ADGRA3: variants seen among roughly 807,000 people sequenced by gnomAD.
The protein encoded by ADGRA3 is G-protein coupled receptor 125.
Under a neutral mutation model 119.8 loss-of-function variants are expected in ADGRA3, and 56 were observed. That is an observed-to-expected ratio of 0.47 (90% CI 0.38 to 0.58). ADGRA3 has a LOEUF of 0.58. Ranked by LOEUF, ADGRA3 falls within the 20% of genes least tolerant of loss-of-function variation. The probability of loss-of-function intolerance (pLI) is 0.00; values close to 1 mark genes in which losing one functional copy is unlikely to be tolerated. For synonymous variants in ADGRA3, 607 were observed against 623.8 expected (o/e 0.97, Z 0.40); for missense variants, 1,516 against 1,649.0 (o/e 0.92, Z 1.40).
chr4:22,481,751 C>G (rs1272951529), intron 1 of ADGRA3, among the ~76,000 whole-genome samples: 1 of 152,194 alleles, frequency 6.6e-6, no homozygotes, highest in Non-Finnish European at 1.5e-5. Flanking sequence ...GTAGTGGCAA[C>G]AGACATTCTG....
intron 4 of ADGRA3, among the ~76,000 whole-genome samples, chr4:22,449,267 C>T (rs1577355590): frequency 6.7e-6 from 1 of 148,668 alleles, no homozygotes; most frequent in South Asian, 2.1e-4. Context: ...GAGACCCCGT[C>T]TCAAAAAAAA....
intron 10 of ADGRA3, among the ~76,000 whole-genome samples, chr4:22,428,843 A>C (rs1351829600): frequency 6.6e-6 from 1 of 152,230 alleles, no homozygotes; most frequent in Non-Finnish European, 1.5e-5. Flanking sequence ...TTGCTATTCA[A>C]CAAGAGTCTG....
intron 1 of ADGRA3, among the ~76,000 whole-genome samples, chr4:22,483,117 C>A (rs1466769927): frequency 6.6e-6 from 1 of 152,170 alleles, no homozygotes; most frequent in East Asian, 1.9e-4. Context: ...TTTCCTTCCC[C>A]TCTCCTTTCA....
At chr4:22,473,406 C>T (rs576252619) in intron 2 of ADGRA3, among the ~76,000 whole-genome samples, 6 of 152,144 alleles carry the variant, frequency 3.9e-5, no homozygotes, top group Non-Finnish European at 8.8e-5. Context: ...AAGTATGGTC[C>T]ATGACCTCTG....
chr4:22,446,520 T>A (rs955074346), intron 5 of ADGRA3, among the ~76,000 whole-genome samples: 1 of 152,024 alleles, frequency 6.6e-6, no homozygotes, highest in African/African-American at 2.4e-5. Context: ...CAAGATGGAG[T>A]ATGGAGTGTG....
chr4:22,496,029 T>A (rs1718813267), intron 1 of ADGRA3, among the ~76,000 whole-genome samples: 1 of 152,134 alleles, frequency 6.6e-6, no homozygotes, highest in South Asian at 2.1e-4. Context: ...CTGTTAAACA[T>A]CATTTTTTTA....
chr4:22,477,588 A>C (rs910963998), intron 1 of ADGRA3: 1 of 152,192 alleles, frequency 6.6e-6, no homozygotes, highest in African/African-American at 2.4e-5. Context: ...AGTAGCTTAT[A>C]AAACACGGCC....
chr4:22,483,550 T>A (rs993019149), intron 1 of ADGRA3, among the ~76,000 whole-genome samples: 17 of 152,170 alleles, frequency 1.1e-4, no homozygotes, highest in Non-Finnish European at 2.9e-5. Flanking sequence ...AATAAAAGTG[T>A]CCTAAGATAC....
intron 2 of ADGRA3, chr4:22,473,259 C>A (rs1168774599): frequency 2.0e-5 from 3 of 152,240 alleles, no homozygotes; most frequent in South Asian, 2.1e-4. Flanking sequence ...AATTAAACTT[C>A]TTTTCTTTAT....
intron 1 of ADGRA3, among the ~76,000 whole-genome samples, chr4:22,512,621 G>A (rs1261249839): frequency 1.3e-5 from 2 of 152,128 alleles, no homozygotes; most frequent in East Asian, 3.9e-4. Flanking sequence ...GAGACACACA[G>A]ACACACAGGG....
intron 1 of ADGRA3, among the ~76,000 whole-genome samples, chr4:22,485,169 C>T (rs1320306638): frequency 1.3e-5 from 2 of 152,142 alleles, no homozygotes; most frequent in African/African-American, 4.8e-5. Context: ...GAAACCTCCA[C>T]CTCCTGGGTT....
At chr4:22,478,418 G>A (rs1718130346) in intron 1 of ADGRA3, among the ~76,000 whole-genome samples, 1 of 152,084 alleles carries the variant, frequency 6.6e-6, no homozygotes, top group African/African-American at 2.4e-5. Flanking sequence ...TATATCAGAA[G>A]GCACAAAATG....
intron 1 of ADGRA3, among the ~76,000 whole-genome samples, chr4:22,506,795 C>T (rs769752028): frequency 6.6e-6 from 1 of 151,928 alleles, no homozygotes; most frequent in East Asian, 1.9e-4. Context: ...TGTAAAGCTC[C>T]CTCTTCAGAC....
chr4:22,453,509 A>T (rs1717134626), intron 4 of ADGRA3, among the ~76,000 whole-genome samples: 1 of 152,350 alleles, frequency 6.6e-6, no homozygotes, highest in South Asian at 2.1e-4. Context: ...TACTGTATAG[A>T]TGAAAGAATC....
At chr4:22,425,313 G>A (rs1161700316) in intron 10 of ADGRA3, among the ~76,000 whole-genome samples, 1 of 152,048 alleles carries the variant, frequency 6.6e-6, no homozygotes, top group African/African-American at 2.4e-5. Flanking sequence ...CTCTTCCACT[G>A]TTTGTTTTAC....
chr4:22,502,776 G>C (rs1020706931), intron 1 of ADGRA3, among the ~76,000 whole-genome samples: 2 of 151,876 alleles, frequency 1.3e-5, no homozygotes, highest in African/African-American at 2.4e-5. Flanking sequence ...TGAAGAGTGG[G>C]AGTTTAAGCC....
chr4:22,514,477 C>CATTTGTAT (rs1719567606), intron 1 of ADGRA3: 1 of 152,140 alleles, frequency 6.6e-6, no homozygotes, highest in African/African-American at 2.4e-5. Flanking sequence ...GTGTATACTC[C>CATTTGTAT]TGCTGAATTT....
At chr4:22,460,899 G>T (rs896245240) in intron 3 of ADGRA3, among the ~76,000 whole-genome samples, 1 of 152,196 alleles carries the variant, frequency 6.6e-6, no homozygotes, top group Admixed American at 6.5e-5. Flanking sequence ...AAGCATAAAG[G>T]ATGGAGAGAC....
intron 1 of ADGRA3, among the ~76,000 whole-genome samples, chr4:22,513,088 C>G (rs1291285546): frequency 6.6e-6 from 1 of 151,944 alleles, no homozygotes; most frequent in Non-Finnish European, 1.5e-5. Context: ...CCATAAGACC[C>G]CTCTACAGGG....
Sources: gnomAD v4.1 joint callset for allele counts (sites outside exome capture counted in the v4.1 genomes callset) on GRCh38, gnomAD v4.1.1 for gene constraint, MANE v1.5 for transcripts, NCBI Gene and HGNC (gene_info 2026-07-23, HGNC 2026-07-21) for gene names.